Variants in NOL10 observed in about 807,000 individuals in gnomAD.
NOL10 encodes H_NH0074G24.1.
A neutral mutation model predicts 103.5 loss-of-function variants in NOL10; 58 were observed. That is an observed-to-expected ratio of 0.56 (90% CI 0.45 to 0.70). The LOEUF (loss-of-function observed/expected upper bound fraction) is 0.70, where lower values mean the gene tolerates loss of function less well. NOL10 is among the 30% of genes least tolerant of loss of function. The probability of loss-of-function intolerance (pLI) is 0.00; values close to 1 mark genes in which losing one functional copy is unlikely to be tolerated. For missense variants in NOL10, 763 were observed against 807.3 expected (o/e 0.95, Z 0.67); for synonymous variants, 287 against 282.5 (o/e 1.02, Z -0.16).
At chr2:10,583,069 T>C (rs943606701) in intron 19 of NOL10, among the ~76,000 whole-genome samples, 2 of 152,188 alleles carry the variant, frequency 1.3e-5, no homozygotes, top group East Asian at 1.9e-4. Flanking sequence ...TCTACTCCGA[T>C]GGGTGTCAGG....
intron 20 of NOL10, among the ~76,000 whole-genome samples, chr2:10,577,053 T>G (rs1674486525): frequency 7.6e-6 from 1 of 132,146 alleles, no homozygotes; most frequent in Non-Finnish European, 1.8e-5. Flanking sequence ...AGCTTACTCC[T>G]CCTACAATGT....
At position 10,660,986 on chromosome 2, in the gene NOL10, C is replaced by G. The variant is rs182262032; in HGVS notation, c.678-1736G>C. On this transcript the variant is annotated intron_variant, in intron 9 of 20. Transcript: ENST00000381685. ...CCTAAAACCAAATCAGAAAAAAAAC[C>G]CTAGTTTTAACACTCGGGTATACAT... Among the ~76,000 whole-genome samples, 320 of 151,918 alleles carry G rather than the reference C, an allele frequency of 2.1e-3. 2 individuals carry two copies. Among genetic ancestry groups the G allele is most frequent in the African/African-American group, 7.5e-3 (309 of 41,440 alleles).
intron 6 of NOL10, among the ~76,000 whole-genome samples, chr2:10,669,466 T>TA (rs1553313389): frequency 0.2 from 29,220 of 142,576 alleles, 3,910 homozygotes; most frequent in Non-Finnish European, 0.3. Flanking sequence ...TTTTTATTTT[T>TA]TATATATATA....
At chr2:10,641,739 A>G (rs979815517) in intron 13 of NOL10, among the ~76,000 whole-genome samples, 3 of 152,104 alleles carry the variant, frequency 2.0e-5, no homozygotes, top group African/African-American at 7.2e-5. Context: ...CAAGTCTCTT[A>G]CAACCATAAC....
rs775097403 is a variant in NOL10 at position 10,654,569 on chromosome 2, G to A, written c.907-22C>T. 23 of 1,542,338 alleles carry A rather than the reference G, an allele frequency of 1.5e-5. No homozygotes were observed. In the African/African-American group the frequency reaches 2.2e-4, roughly 15 times the overall value. On this transcript the variant is annotated intron_variant, in intron 11 of 20. Coordinates refer to ENST00000381685, the MANE Select transcript of NOL10 (RefSeq NM_024894.4). ...TTCCCTAAAAATAGCAAGCAAAAAC[G>A]AAGTATTAAAAGTTAAAGAACAACA...
At chr2:10,580,076 T>A (rs1674667161) in intron 19 of NOL10, among the ~76,000 whole-genome samples, 1 of 152,234 alleles carries the variant, frequency 6.6e-6, no homozygotes, top group South Asian at 2.1e-4. Flanking sequence ...AGAGACCGTG[T>A]GTGGAGGTTT....
At chr2:10,592,466 G>C (rs1451559850) in intron 17 of NOL10, among the ~76,000 whole-genome samples, 1 of 152,140 alleles carries the variant, frequency 6.6e-6, no homozygotes, top group Non-Finnish European at 1.5e-5. Flanking sequence ...CTAGGTGTCT[G>C]GGAACGATGC....
At chr2:10,665,955 T>C (rs1353054415) in intron 8 of NOL10, among the ~76,000 whole-genome samples, 4 of 152,174 alleles carry the variant, frequency 2.6e-5, no homozygotes, top group Non-Finnish European at 5.9e-5. Flanking sequence ...TGCATAATGC[T>C]GAGGTTTGCA....
chr2:10,603,085 T>TA lies in NOL10; in HGVS notation c.1225dup (p.Tyr409LeufsTer14). 2 of 1,606,846 alleles carry TA rather than the reference T, an allele frequency of 1.2e-6. No individual in the cohort carries two copies. The highest frequency in any genetic ancestry group is 1.7e-6 in the Non-Finnish European group (2 of 1,175,630). ...CTGTAGTTTTCTGTTTACCTTGTGA[T>TA]AGAGTCTTATATCCATGAAAAACCC... On this transcript the variant is annotated frameshift_variant, in exon 15 of 21. Transcript: ENST00000381685. LOFTEE classifies it high-confidence loss of function.
intron 13 of NOL10, among the ~76,000 whole-genome samples, chr2:10,613,766 A>T (rs550867007): frequency 2.0e-5 from 3 of 152,318 alleles, no homozygotes; most frequent in African/African-American, 7.2e-5. Flanking sequence ...TTGAATATAA[A>T]AGTTTTTTTT....
At chr2:10,676,204 C>T (rs1681295924) in intron 3 of NOL10, among the ~76,000 whole-genome samples, 1 of 152,154 alleles carries the variant, frequency 6.6e-6, no homozygotes, top group African/African-American at 2.4e-5. Context: ...AAATATTCCC[C>T]TATACTGTTG....
In NOL10 at chr2:10,638,483, CTTTTTTTTT is replaced by C. The variant is rs869294782; in HGVS notation, c.1026+5828_1026+5836del. On this transcript the variant is annotated intron_variant, in intron 13 of 20. Coordinates refer to ENST00000381685, the MANE Select transcript of NOL10 (RefSeq NM_024894.4). ...GCACATACCCTTATAGCTGAATTCC[CTTTTTTTTT>C]TTTTTTTTTTTTTTTTTGAGATAGA... is the stretch of plus-strand genomic sequence containing the variant. 1.3e-4 allele frequency among the ~76,000 whole-genome samples: 10 copies of C among 77,776 alleles called. No individual in the cohort carries two copies. The East Asian group carries it at 1.8e-3, about 14-fold the overall frequency. 51.0% of individuals were successfully genotyped at this position (77,776 alleles called of 152,430 possible).
intron 9 of NOL10, among the ~76,000 whole-genome samples, chr2:10,662,368 T>C (rs1680267392): frequency 6.6e-6 from 1 of 152,214 alleles, no homozygotes; most frequent in Non-Finnish European, 1.5e-5. Context: ...GAGTGAGCAA[T>C]GTATGCTCTG....
At chr2:10,667,767 G>A (rs1680650965) in intron 7 of NOL10, among the ~76,000 whole-genome samples, 1 of 152,060 alleles carries the variant, frequency 6.6e-6, no homozygotes, top group Admixed American at 6.6e-5. Context: ...AAAGCGTTCA[G>A]CAGTATCTGG....
intron 13 of NOL10, among the ~76,000 whole-genome samples, chr2:10,643,205 A>C (rs888890787): frequency 6.6e-6 from 1 of 152,184 alleles, no homozygotes; most frequent in African/African-American, 2.4e-5. Context: ...TTTCAACAAC[A>C]CGTCAGTATC....
rs528351713 is a variant in NOL10, at chr2:10,601,313, T to C, written c.1333-371A>G. 5.9e-5 allele frequency among the ~76,000 whole-genome samples: 9 copies of C among 152,314 alleles called. No homozygotes were observed. The South Asian group carries it at 1.9e-3, about 32-fold the overall frequency. On this transcript the variant is annotated intron_variant, in intron 16 of 20. Transcript: ENST00000381685. The stretch of plus-strand genomic sequence containing the variant: ...CTCCTGACCTCGTGATCCGCCTGCC[T>C]GGGCCTTCCCAAAGTGCTGGGATTA...
At chr2:10,655,258 A>C (rs1197965022) in intron 11 of NOL10, among the ~76,000 whole-genome samples, 2 of 151,648 alleles carry the variant, frequency 1.3e-5, no homozygotes, top group Non-Finnish European at 2.9e-5. Context: ...GAAGAAAGGA[A>C]AGAAAAGAAG....
At chr2:10,642,148 G>T (rs1678738911) in intron 13 of NOL10, among the ~76,000 whole-genome samples, 1 of 152,180 alleles carries the variant, frequency 6.6e-6, no homozygotes, top group Non-Finnish European at 1.5e-5. Flanking sequence ...GCACAAACTG[G>T]GAGAAAACTA....
At chr2:10,644,623 A>C (rs1007668078) in intron 12 of NOL10, among the ~76,000 whole-genome samples, 2 of 152,144 alleles carry the variant, frequency 1.3e-5, no homozygotes, top group African/African-American at 4.8e-5. Flanking sequence ...CAAAATGTCT[A>C]CATTTTGTTA....
Sources: allele counts gnomAD v4.1 joint callset (sites outside exome capture counted in the v4.1 genomes callset), GRCh38; gene constraint gnomAD v4.1.1; transcripts MANE v1.5; gene names NCBI Gene and HGNC (gene_info 2026-07-23, HGNC 2026-07-21).